Variants in DCC observed in about 807,000 individuals in gnomAD.
DCC encodes the protein DCC netrin 1 receptor, also known as netrin receptor DCC.
Under a neutral mutation model 172.5 loss-of-function variants are expected in DCC, and 58 were observed. That is an observed-to-expected ratio of 0.34 (90% CI 0.27 to 0.42). The LOEUF (loss-of-function observed/expected upper bound fraction) is 0.42. Among genes scored for constraint, DCC ranks in the 10% least tolerant of loss-of-function variants. The pLI, the probability that DCC is intolerant of heterozygous loss-of-function variation, is 1.00. For synonymous variants in DCC, 709 were observed against 644.5 expected (o/e 1.10, Z -1.52); for missense variants, 1,740 against 1,791.0 (o/e 0.97, Z 0.51).
chr18:52,385,232 A>G (rs1219387608), intron 1 of DCC, among the ~76,000 whole-genome samples: 1 of 152,108 alleles, frequency 6.6e-6, no homozygotes, highest in Non-Finnish European at 1.5e-5. Flanking sequence ...GTGGTATGAA[A>G]TAGCCAGCAA....
At chr18:53,395,779 A>T (rs1289746172) in intron 17 of DCC, among the ~76,000 whole-genome samples, 2 of 152,130 alleles carry the variant, frequency 1.3e-5, no homozygotes, top group Non-Finnish European at 2.9e-5. Flanking sequence ...AGGAGCTTGG[A>T]CTACAGGTGC....
chr18:52,533,530 A>G (rs2032208703), intron 1 of DCC, among the ~76,000 whole-genome samples: 1 of 152,062 alleles, frequency 6.6e-6, no homozygotes, highest in Non-Finnish European at 1.5e-5. Flanking sequence ...TTTGCTTATC[A>G]TAATTTCCCA....
chr18:52,711,265 T>A (rs2036287247), intron 1 of DCC, among the ~76,000 whole-genome samples: 1 of 152,198 alleles, frequency 6.6e-6, no homozygotes, highest in South Asian at 2.1e-4. Context: ...TTCACTCTTG[T>A]TGCCCAGGCT....
intron 12 of DCC, among the ~76,000 whole-genome samples, chr18:53,254,541 T>C (rs1442700334): frequency 6.6e-6 from 1 of 152,072 alleles, no homozygotes; most frequent in Non-Finnish European, 1.5e-5. Flanking sequence ...TCTACATTCC[T>C]GGGAATACTT....
intron 2 of DCC, among the ~76,000 whole-genome samples, chr18:52,877,026 C>T (rs1018630123): frequency 6.6e-6 from 1 of 152,118 alleles, no homozygotes; most frequent in African/African-American, 2.4e-5. Context: ...GCATGGTACA[C>T]ATTTATACTA....
chr18:53,236,465 T>C (rs945795423), intron 12 of DCC, among the ~76,000 whole-genome samples: 6 of 152,110 alleles, frequency 3.9e-5, no homozygotes, highest in Admixed American at 6.5e-5. Context: ...TTAATTATAT[T>C]TTGGTATTGT....
rs187523425 is a variant in DCC, at chr18:52,609,647, C to T, written c.92-142407C>T. 3.5e-3 allele frequency among the ~76,000 whole-genome samples: 539 copies of T among 151,944 alleles called. 5 individuals carry two copies. Among genetic ancestry groups the T allele is most frequent in the African/African-American group, 0.012 (511 of 41,424 alleles). ...CATTCCTCTCTGTTATTACCTCCAGCACAACTTTGCTGTAGAATTTTCAAT... is the reference window on the plus strand; with the variant it reads ...CATTCCTCTCTGTTATTACCTCCAGTACAACTTTGCTGTAGAATTTTCAAT... On this transcript the variant is annotated intron_variant, in intron 1 of 28. Transcript: ENST00000442544.
chr18:52,523,778 A>G (rs1182276486), intron 1 of DCC, among the ~76,000 whole-genome samples: 3 of 152,220 alleles, frequency 2.0e-5, no homozygotes, highest in Non-Finnish European at 4.4e-5. Context: ...CATGGGATCA[A>G]TAACTTACAA....
rs780896758 is a variant in DCC at position 53,507,892 on chromosome 18, CTTTTTTT to C, written c.4111+8395_4111+8401del. On this transcript the variant is annotated intron_variant, in intron 27 of 28. Transcript: ENST00000442544. Reference sequence around the variant, plus strand: ...AGTAAGAATTTTCTAACAGATACCACTTTTTTTTTTTTTTTTTTTGAGATGGAGTCTC... The same window carrying C: ...AGTAAGAATTTTCTAACAGATACCACTTTTTTTTTTTTGAGATGGAGTCTC... Among the ~76,000 whole-genome samples the C allele has an allele frequency of 9.3e-4, 122 of 130,974 alleles. 1 individual carries two copies. Among genetic ancestry groups the C allele is most frequent in the African/African-American group, 3.5e-3 (115 of 32,802 alleles). 85.9% of individuals were successfully genotyped at this position (130,974 alleles called of 152,430 possible). A position where few individuals can be genotyped will look rare whatever the true frequency, so the allele number is the denominator to read the frequency against.
rs1291343130 is a variant in DCC, at chr18:53,429,019, ATTTT to A, written c.3164-6122_3164-6119del. On this transcript the variant is annotated intron_variant, in intron 21 of 28. Coordinates refer to ENST00000442544, the MANE Select transcript of DCC (RefSeq NM_005215.4). ...TTTTTATATAATATATATTTTATAT[ATTTT>A]TTATATAATATATATTTTATATATA... 3.5e-3 allele frequency among the ~76,000 whole-genome samples: 203 copies of A among 57,994 alleles called. 34 individuals carry two copies. The highest frequency in any genetic ancestry group is 0.01 in the African/African-American group (192 of 18,978). 38.0% of individuals were successfully genotyped at this position (57,994 alleles called of 152,430 possible). A position where few individuals can be genotyped will look rare whatever the true frequency, so the allele number is the denominator to read the frequency against.
chr18:52,753,980 C>T (rs983828228), intron 2 of DCC: 1 of 152,004 alleles, frequency 6.6e-6, no homozygotes, highest in Non-Finnish European at 1.5e-5. Context: ...AATGGGTAAG[C>T]AGATTTGAAG....
At chr18:52,967,430 A>G (rs2145579522) in intron 5 of DCC, among the ~76,000 whole-genome samples, 1 of 152,316 alleles carries the variant, frequency 6.6e-6, no homozygotes, top group Non-Finnish European at 1.5e-5. Context: ...AAGGCAACCA[A>G]GTGTATAATA....
At chr18:52,909,599 C>A (rs1454245032) in intron 3 of DCC, among the ~76,000 whole-genome samples, 1 of 152,172 alleles carries the variant, frequency 6.6e-6, no homozygotes, top group Non-Finnish European at 1.5e-5. Context: ...TTTTATATAT[C>A]AGGTGTCTTC....
At chr18:52,543,239 A>T (rs1568220870) in intron 1 of DCC, among the ~76,000 whole-genome samples, 1 of 152,220 alleles carries the variant, frequency 6.6e-6, no homozygotes, top group Non-Finnish European at 1.5e-5. Flanking sequence ...GATTATTTTA[A>T]TTGCATTAGT....
chr18:52,358,343 C>T (rs1285565522), intron 1 of DCC, among the ~76,000 whole-genome samples: 1 of 152,168 alleles, frequency 6.6e-6, no homozygotes, highest in Non-Finnish European at 1.5e-5. Context: ...AGGGGATGAT[C>T]TGGAGTCAGG....
At chr18:52,626,677 C>T (rs779850454) in intron 1 of DCC, among the ~76,000 whole-genome samples, 38 of 152,070 alleles carry the variant, frequency 2.5e-4, no homozygotes, top group African/African-American at 6.3e-4. Context: ...GTTTCACATC[C>T]GTAGATTTAA....
chr18:52,605,304 A>G (rs1351634633), intron 1 of DCC, among the ~76,000 whole-genome samples: 1 of 152,238 alleles, frequency 6.6e-6, no homozygotes, highest in East Asian at 1.9e-4. Flanking sequence ...AATTTGCAAG[A>G]GGCAGTGGAA....
At chr18:53,208,071 C>G (rs2055682079) in intron 11 of DCC, among the ~76,000 whole-genome samples, 1 of 151,032 alleles carries the variant, frequency 6.6e-6, no homozygotes, top group Admixed American at 6.6e-5. Flanking sequence ...CAAGACCCAC[C>G]TGAACAACAT....
chr18:52,461,839 C>T (rs1226599358), intron 1 of DCC, among the ~76,000 whole-genome samples: 1 of 152,178 alleles, frequency 6.6e-6, no homozygotes, highest in Non-Finnish European at 1.5e-5. Flanking sequence ...TCAGACCTCT[C>T]CCCGAAACTA....
Sources: allele counts gnomAD v4.1 joint callset (sites outside exome capture counted in the v4.1 genomes callset), GRCh38; gene constraint gnomAD v4.1.1; transcripts MANE v1.5; gene names NCBI Gene and HGNC (gene_info 2026-07-23, HGNC 2026-07-21).